Variants in GLIS3 observed in about 807,000 individuals in gnomAD.
GLIS3 encodes zinc finger protein GLIS3.
A neutral mutation model predicts 78.6 loss-of-function variants in GLIS3; 53 were observed. The observed-to-expected ratio is 0.67, with a 90% CI of 0.54 to 0.85. GLIS3 has a LOEUF of 0.85. Ranked by LOEUF, GLIS3 falls within the 40% of genes least tolerant of loss-of-function variation. The pLI, the probability that GLIS3 is intolerant of heterozygous loss-of-function variation, is 0.00. For missense variants in GLIS3, 1,703 were observed against 1,231.1 expected (o/e 1.38, Z -5.74); for synonymous variants, 684 against 509.9 (o/e 1.34, Z -4.60).
At chr9:4,402,863 G>A in the GLIS3 span, among the ~76,000 whole-genome samples, 11 of 152,164 alleles carry the variant, frequency 7.2e-5, no homozygotes, top group Non-Finnish European at 1.0e-4. Context: ...TGGCCTTAAA[G>A]AAGAGATGGA....
chr9:4,107,640 TG>T (rs1457640750), intron 4 of GLIS3, among the ~76,000 whole-genome samples: 4 of 152,302 alleles, frequency 2.6e-5, no homozygotes, highest in African/African-American at 9.6e-5. Flanking sequence ...TTAAATATCA[TG>T]TTACTGCCCA....
intron 2 of GLIS3, among the ~76,000 whole-genome samples, chr9:4,158,557 T>A (rs923673680): frequency 1.3e-5 from 2 of 152,234 alleles, no homozygotes; most frequent in African/African-American, 4.8e-5. Flanking sequence ...TATGCTGAGA[T>A]ACAGAAGTTG....
rs144441394 is a variant in GLIS3 at position 4,167,939 on chromosome 9, G to A, written c.389-41998C>T. Among the ~76,000 whole-genome samples, 12 of 152,266 alleles carry A rather than the reference G, an allele frequency of 7.9e-5. No individual in the cohort carries two copies. The East Asian group carries it at 1.9e-3, about 25-fold the overall frequency. Reference sequence around the variant, plus strand: ...GCCAAGCCTGATCAGAATCTCCAAAGGCTCTGACCAGGACACATTCTAAGG... The same window carrying A: ...GCCAAGCCTGATCAGAATCTCCAAAAGCTCTGACCAGGACACATTCTAAGG... On this transcript the variant is annotated intron_variant, in intron 2 of 10. Transcript: ENST00000381971.
chr9:3,856,228 G>C (rs1819780930), intron 8 of GLIS3, 44 bp from the exon 9 acceptor site: 1 of 1,565,344 alleles, frequency 6.4e-7, no homozygotes, highest in African/African-American at 1.4e-5. Context: ...ACATAAAACA[G>C]CAGGAACAAA....
chr9:4,330,582 G>A (rs991433124), intron 2 of GLIS3, among the ~76,000 whole-genome samples: 7 of 150,570 alleles, frequency 4.6e-5, no homozygotes, highest in Non-Finnish European at 1.0e-4. Context: ...GAGAGGTGGA[G>A]GTGAAGGTTG....
chr9:3,973,754 A>G (rs546675233), intron 4 of GLIS3, among the ~76,000 whole-genome samples: 1 of 152,328 alleles, frequency 6.6e-6, no homozygotes, highest in East Asian at 1.9e-4. Context: ...AGAAGGCAAC[A>G]TCCCAATAGT....
chr9:4,378,748 G>C, the GLIS3 span, among the ~76,000 whole-genome samples: 1 of 152,192 alleles, frequency 6.6e-6, no homozygotes, highest in Non-Finnish European at 1.5e-5. Flanking sequence ...CTTGGTTCTT[G>C]ATAGCATGTG....
chr9:4,251,946 G>A (rs1824437093), intron 2 of GLIS3, among the ~76,000 whole-genome samples: 1 of 152,174 alleles, frequency 6.6e-6, no homozygotes, highest in African/African-American at 2.4e-5. Flanking sequence ...ACTCTCTTCT[G>A]GCTTGTAGGG....
intron 2 of GLIS3, among the ~76,000 whole-genome samples, chr9:4,189,570 A>G (rs575214062): frequency 2.6e-5 from 4 of 152,210 alleles, no homozygotes; most frequent in Non-Finnish European, 5.9e-5. Flanking sequence ...TGTCTCGTTG[A>G]TCTGTCTAAT....
At chr9:4,488,158 T>C in the GLIS3 span, among the ~76,000 whole-genome samples, 4 of 152,166 alleles carry the variant, frequency 2.6e-5, no homozygotes, top group Non-Finnish European at 5.9e-5. Context: ...TCTAATTATG[T>C]TGTCCAGGCT....
At chr9:4,162,409 A>G (rs1835553606) in intron 2 of GLIS3, among the ~76,000 whole-genome samples, 1 of 152,162 alleles carries the variant, frequency 6.6e-6, no homozygotes, top group South Asian at 2.1e-4. Flanking sequence ...TATCCTTTCA[A>G]TTGTCACTTG....
intron 2 of GLIS3, among the ~76,000 whole-genome samples, chr9:4,251,427 AT>A (rs146832328): frequency 0.75 from 95,752 of 127,056 alleles, 34,013 homozygotes; most frequent in East Asian, 0.89. Context: ...TAGGATTGCA[AT>A]CTTTTTTTTT....
chr9:3,849,196 A>G (rs183578351), intron 9 of GLIS3, among the ~76,000 whole-genome samples: 1 of 152,336 alleles, frequency 6.6e-6, no homozygotes, highest in East Asian at 1.9e-4. Flanking sequence ...AGAGATGGGA[A>G]AACATGGGGT....
intron 4 of GLIS3, among the ~76,000 whole-genome samples, chr9:3,999,511 T>C (rs1820977323): frequency 6.6e-6 from 1 of 152,062 alleles, no homozygotes; most frequent in Non-Finnish European, 1.5e-5. Flanking sequence ...AAAACAATAA[T>C]GAAAATTTAT....
the GLIS3 span, among the ~76,000 whole-genome samples, chr9:4,444,554 T>C: frequency 6.6e-6 from 1 of 152,216 alleles, no homozygotes; most frequent in Non-Finnish European, 1.5e-5. Context: ...CGCCCACATA[T>C]GAAGTAAAAC....
At chr9:4,152,670 C>A (rs886982742) in intron 2 of GLIS3, among the ~76,000 whole-genome samples, 2 of 152,000 alleles carry the variant, frequency 1.3e-5, no homozygotes, top group Non-Finnish European at 2.9e-5. Context: ...CTATAAAATT[C>A]AACAGAATCC....
the GLIS3 span, among the ~76,000 whole-genome samples, chr9:4,384,360 A>G: frequency 6.6e-6 from 1 of 152,066 alleles, no homozygotes; most frequent in Non-Finnish European, 1.5e-5. Context: ...AAAACTTTTT[A>G]GAAATTCCAA....
At chr9:4,391,366 G>T in the GLIS3 span, among the ~76,000 whole-genome samples, 2 of 152,188 alleles carry the variant, frequency 1.3e-5, no homozygotes, top group African/African-American at 4.8e-5. Context: ...TATATAGGGG[G>T]TGTGTTCTCT....
the GLIS3 span, among the ~76,000 whole-genome samples, chr9:4,393,127 A>G: frequency 1.3e-5 from 2 of 152,158 alleles, no homozygotes; most frequent in African/African-American, 4.8e-5. Flanking sequence ...ATTTTGCAAT[A>G]ATAGTATAAG....
Sources: allele counts gnomAD v4.1 joint callset (sites outside exome capture counted in the v4.1 genomes callset), GRCh38; gene constraint gnomAD v4.1.1; transcripts MANE v1.5; gene names NCBI Gene and HGNC (gene_info 2026-07-23, HGNC 2026-07-21).